The following PPFIA2 variants were observed in gnomAD, a reference collection of about 807,000 sequenced individuals.
The protein encoded by PPFIA2 is liprin-alpha-2.
In PPFIA2, 46 loss-of-function variants were observed where a neutral mutation model predicts 175.5. The observed-to-expected ratio is 0.26, with a 90% confidence interval of 0.21 to 0.34. The LOEUF (loss-of-function observed/expected upper bound fraction) is 0.34. Among genes scored for constraint, PPFIA2 ranks in the 10% least tolerant of loss-of-function variants. The pLI is 1.00. For synonymous variants in PPFIA2, 568 were observed against 511.4 expected, an observed-to-expected ratio of 1.11 and a Z score of -1.49; for missense variants, 1,179 against 1,506.1, an observed-to-expected ratio of 0.78 and a Z score of 3.60.
chr12:81,526,016 A>T (rs1367230950), intron 4 of PPFIA2, among the ~76,000 whole-genome samples: 1 of 152,182 alleles, frequency 6.6e-6, no homozygotes, highest in East Asian at 1.9e-4. Flanking sequence ...CTTATTAAAA[A>T]TCCAGGTCTC....
At chr12:81,373,769 T>G (rs1424021080) in intron 11 of PPFIA2, among the ~76,000 whole-genome samples, 1 of 152,062 alleles carries the variant, frequency 6.6e-6, no homozygotes, top group East Asian at 1.9e-4. Flanking sequence ...TTTGGGTAAA[T>G]CCTAATCCCG....
intron 4 of PPFIA2, among the ~76,000 whole-genome samples, chr12:81,508,194 T>C (rs912338639): frequency 6.6e-6 from 1 of 152,080 alleles, no homozygotes; most frequent in African/African-American, 2.4e-5. Flanking sequence ...TCGTGTATTA[T>C]CTGCAAGGAT....
chr12:81,268,790 T>C (rs759846291), intron 28 of PPFIA2, among the ~76,000 whole-genome samples: 8 of 152,186 alleles, frequency 5.3e-5, no homozygotes, highest in Non-Finnish European at 1.2e-4. Context: ...GCAGACGAGA[T>C]TGTAATACTG....
chr12:81,406,941 A>G (rs555583303), intron 7 of PPFIA2, among the ~76,000 whole-genome samples: 1 of 152,196 alleles, frequency 6.6e-6, no homozygotes, highest in Non-Finnish European at 1.5e-5. Context: ...CTGCTACTTG[A>G]CACTATTTCA....
intron 27 of PPFIA2, among the ~76,000 whole-genome samples, chr12:81,278,667 A>G (rs1250229968): frequency 6.6e-6 from 1 of 152,214 alleles, no homozygotes; most frequent in Non-Finnish European, 1.5e-5. Flanking sequence ...AATAGGGACA[A>G]CAGCCATGAG....
intron 8 of PPFIA2, among the ~76,000 whole-genome samples, chr12:81,391,845 G>A (rs2040187171): frequency 6.6e-6 from 1 of 151,822 alleles, no homozygotes; most frequent in Non-Finnish European, 1.5e-5. Flanking sequence ...AAGACAAAGT[G>A]ACACAAGTGG....
At chr12:81,690,844 T>G (rs2075149930) in intron 3 of PPFIA2, among the ~76,000 whole-genome samples, 1 of 152,142 alleles carries the variant, frequency 6.6e-6, no homozygotes, top group South Asian at 2.1e-4. Flanking sequence ...AAAGGCTGCA[T>G]GCATTTTTTG....
chr12:81,478,824 G>A (rs1331450517), intron 4 of PPFIA2, among the ~76,000 whole-genome samples: 1 of 152,064 alleles, frequency 6.6e-6, no homozygotes, highest in East Asian at 1.9e-4. Context: ...TCTGAGGAGT[G>A]TTTTACTTCC....
At chr12:81,371,802 G>A (rs953241192) in intron 11 of PPFIA2, among the ~76,000 whole-genome samples, 26 of 151,652 alleles carry the variant, frequency 1.7e-4, no homozygotes, top group Admixed American at 1.3e-3. Context: ...GGTTAATTGC[G>A]TATAAACTCG....
At chr12:81,262,741 A>G (rs1004811751) in intron 31 of PPFIA2, among the ~76,000 whole-genome samples, 3 of 152,304 alleles carry the variant, frequency 2.0e-5, no homozygotes, top group Non-Finnish European at 4.4e-5. Flanking sequence ...TTCTCTTCTC[A>G]TGTTCATGGC....
At chr12:81,678,547 G>A (rs561361764) in intron 3 of PPFIA2, among the ~76,000 whole-genome samples, 1 of 151,898 alleles carries the variant, frequency 6.6e-6, no homozygotes, top group Non-Finnish European at 1.5e-5. Flanking sequence ...TACTTACCAA[G>A]AAAATTATTA....
chr12:81,622,563 C>G (rs1014098303), intron 4 of PPFIA2, among the ~76,000 whole-genome samples: 3 of 152,050 alleles, frequency 2.0e-5, no homozygotes, highest in African/African-American at 7.2e-5. Flanking sequence ...GCTCAGAGTT[C>G]CCACTGGAGC....
intron 4 of PPFIA2, among the ~76,000 whole-genome samples, chr12:81,491,582 A>G (rs2147076255): frequency 6.6e-6 from 1 of 151,978 alleles, no homozygotes; most frequent in East Asian, 1.9e-4. Flanking sequence ...CATGATGAAA[A>G]GAGGAGACAT....
At chr12:81,329,181 CAGG>C (rs1268936623) in intron 21 of PPFIA2, among the ~76,000 whole-genome samples, 1 of 152,114 alleles carries the variant, frequency 6.6e-6, no homozygotes. Context: ...ACTCATTCTT[CAGG>C]AGGTCTATTA....
chr12:81,539,851 C>T (rs2065939447), intron 4 of PPFIA2, among the ~76,000 whole-genome samples: 1 of 151,956 alleles, frequency 6.6e-6, no homozygotes, highest in African/African-American at 2.4e-5. Context: ...CTTATTTTCT[C>T]ATTTTCCATT....
chr12:81,741,097 T>A (rs2082263887), intron 3 of PPFIA2, among the ~76,000 whole-genome samples: 2 of 152,328 alleles, frequency 1.3e-5, no homozygotes, highest in South Asian at 4.1e-4. Context: ...TGTCAATATC[T>A]CTTAAAAATT....
intron 17 of PPFIA2, among the ~76,000 whole-genome samples, chr12:81,350,278 T>C (rs2140808029): frequency 6.6e-6 from 1 of 152,312 alleles, no homozygotes; most frequent in Non-Finnish European, 1.5e-5. Context: ...TTTACATTAT[T>C]TTTCTATTTA....
intron 14 of PPFIA2, among the ~76,000 whole-genome samples, chr12:81,365,617 T>C (rs2032948689): frequency 6.6e-6 from 1 of 151,756 alleles, no homozygotes; most frequent in African/African-American, 2.4e-5. Flanking sequence ...TTCTGATGAT[T>C]CATCAAATCA....
intron 4 of PPFIA2, among the ~76,000 whole-genome samples, chr12:81,651,676 T>C (rs557028151): frequency 1.3e-5 from 2 of 152,244 alleles, no homozygotes; most frequent in African/African-American, 4.8e-5. Flanking sequence ...CACATAACAG[T>C]GAAATGCAAG....
Sources: allele counts gnomAD v4.1 joint callset (sites outside exome capture counted in the v4.1 genomes callset), GRCh38; gene constraint gnomAD v4.1.1; transcripts MANE v1.5; gene names NCBI Gene and HGNC (gene_info 2026-07-23, HGNC 2026-07-21).